Variants in ATXN7 observed in about 807,000 individuals in gnomAD.
ATXN7 encodes ataxin 7, also known as ataxin-7.
In ATXN7, 12 loss-of-function variants were observed where a neutral mutation model predicts 70.5. That is an observed-to-expected ratio of 0.17 (90% CI 0.11 to 0.28). The LOEUF (loss-of-function observed/expected upper bound fraction) is 0.28. Ranked by LOEUF, ATXN7 falls within the 10% of genes least tolerant of loss-of-function variation. The probability of loss-of-function intolerance (pLI) is 1.00; values close to 1 mark genes in which losing one functional copy is unlikely to be tolerated. For missense variants in ATXN7, 1,256 were observed against 1,131.7 expected, an observed-to-expected ratio of 1.11 and a Z score of -1.58; for synonymous variants, 498 against 448.7, an observed-to-expected ratio of 1.11 and a Z score of -1.39.
chr3:63,997,674 C>T, intron 12 of ATXN7: 2 of 1,552,164 alleles, frequency 1.3e-6, no homozygotes, highest in Non-Finnish European at 1.7e-6. Flanking sequence ...CACCCCAGAG[C>T]CCTGACTTAA....
chr3:63,920,749 G>T (rs573856381), intron 4 of ATXN7, among the ~76,000 whole-genome samples: 1 of 152,150 alleles, frequency 6.6e-6, no homozygotes, highest in South Asian at 2.1e-4. Flanking sequence ...AAGATTAAAT[G>T]AAAGCTAAGG....
At chr3:63,950,537 T>G (rs550773219) in intron 4 of ATXN7, among the ~76,000 whole-genome samples, 32 of 152,340 alleles carry the variant, frequency 2.1e-4, no homozygotes, top group Admixed American at 7.8e-4. Context: ...TTGTAAATTA[T>G]GAATGTTATA....
chr3:63,974,622 A>T (rs1356668167), intron 5 of ATXN7, among the ~76,000 whole-genome samples: 1 of 152,240 alleles, frequency 6.6e-6, no homozygotes, highest in African/African-American at 2.4e-5. Flanking sequence ...TAATAATAGT[A>T]TCTACTTTGT....
chr3:63,967,949 C>G, intron 5 of ATXN7: 1 of 1,535,920 alleles, frequency 6.5e-7, no homozygotes, highest in Non-Finnish European at 8.7e-7. Context: ...AGCAGCCCTT[C>G]TGCGCAGGAG....
At chr3:63,973,572 C>G (rs962239410) in intron 5 of ATXN7, among the ~76,000 whole-genome samples, 2 of 152,152 alleles carry the variant, frequency 1.3e-5, no homozygotes, top group Admixed American at 1.3e-4. Flanking sequence ...GCCAGTGATA[C>G]GCCCTGCTTG....
rs1381515263 is a variant in ATXN7 at position 63,913,157 on chromosome 3, G to A, written c.326G>A (p.Gly109Glu). The A allele has an allele frequency of 1.1e-5, 17 of 1,613,588 alleles. No individual in the cohort carries two copies. The highest frequency in any genetic ancestry group is 1.2e-5 in the Non-Finnish European group (14 of 1,179,752). The change falls in exon 4 of 13, where the codon GGG (glycine) becomes GAG (glutamate). Residue 109 changes from glycine (G) to glutamate (E), a missense_variant and splice_region_variant. Transcript: ENST00000674280. ...VEASKLPGKD[G>E]TELDESFKEF... ...CCTCCTGTGTGTGTATATCTCCTAG[G>A]GACAGAATTGGACGAAAGTTTCAAG...
At chr3:63,888,626 A>G (rs1319699315) in intron 1 of ATXN7, among the ~76,000 whole-genome samples, 2 of 151,974 alleles carry the variant, frequency 1.3e-5, no homozygotes, top group Non-Finnish European at 2.9e-5. Flanking sequence ...AAAATACAAA[A>G]ATAGCTGGGG....
At chr3:63,898,033 T>C (rs1262048878) in intron 1 of ATXN7, among the ~76,000 whole-genome samples, 1 of 152,232 alleles carries the variant, frequency 6.6e-6, no homozygotes, top group East Asian at 1.9e-4. Flanking sequence ...AATCTGTGTT[T>C]TTAAAATCTG....
In ATXN7 at chr3:63,990,782, G is replaced by A. The variant is rs1301625099; in HGVS notation, c.1605G>A (p.Val535=). The A allele has an allele frequency of 3.1e-6, 5 of 1,614,198 alleles. No homozygotes were observed. The highest frequency in any genetic ancestry group is 3.4e-6 in the Non-Finnish European group (4 of 1,180,036). ...GGCAGATAGGAAGAGGCTATTACGT[G>A]TTTGACTCCAGGTGGAATCGACTTC... The part of the protein sequence containing the change: ...GSRQIGRGYY[V]FDSRWNRLRC... The change falls in exon 11 of 13, where the codon GTG becomes GTA. Residue 535 remains valine (V), a synonymous_variant. Coordinates refer to ENST00000674280, the MANE Select transcript of ATXN7 (RefSeq NM_001377405.1).
At chr3:63,904,963 T>C (rs1703784413) in intron 2 of ATXN7, 3 of 152,344 alleles carry the variant, frequency 2.0e-5, no homozygotes, top group Middle Eastern at 6.8e-3. Flanking sequence ...ATCTCTGATT[T>C]AGATTTGCAT....
intron 12 of ATXN7, 30 bp from the exon 13 acceptor site, chr3:63,999,420 A>C (rs762038903): frequency 4.4e-6 from 7 of 1,577,634 alleles, no homozygotes; most frequent in Non-Finnish European, 3.5e-6. Flanking sequence ...TTACCATTTC[A>C]TTATTTCCCC....
chr3:63,955,892 T>C (rs1433334128), intron 5 of ATXN7, among the ~76,000 whole-genome samples: 1 of 152,206 alleles, frequency 6.6e-6, no homozygotes, highest in Non-Finnish European at 1.5e-5. Context: ...CAAGAAAACA[T>C]GCTACCGTGG....
chr3:63,886,016 G>C (rs1049606466), intron 1 of ATXN7, among the ~76,000 whole-genome samples: 2 of 151,974 alleles, frequency 1.3e-5, no homozygotes, highest in Admixed American at 1.3e-4. Context: ...AACAAAAAAA[G>C]GAAAAGAAAA....
intron 4 of ATXN7, among the ~76,000 whole-genome samples, chr3:63,923,497 C>G (rs1403201905): frequency 6.6e-6 from 1 of 152,158 alleles, no homozygotes; most frequent in Non-Finnish European, 1.5e-5. Flanking sequence ...TGAGCTGAGA[C>G]CAGAATGCCG....
At chr3:63,881,415 A>G (rs549463105) in intron 1 of ATXN7, among the ~76,000 whole-genome samples, 2 of 152,196 alleles carry the variant, frequency 1.3e-5, no homozygotes, top group African/African-American at 4.8e-5. Context: ...AGAAGCAGCC[A>G]GAAGTGCAAA....
intron 4 of ATXN7, among the ~76,000 whole-genome samples, chr3:63,939,218 C>G (rs2074714278): frequency 1.3e-5 from 2 of 152,136 alleles, no homozygotes. Flanking sequence ...CTTATCCATC[C>G]ATCCTGTTCT....
chr3:63,960,342 CAA>C (rs2075107686), intron 5 of ATXN7, among the ~76,000 whole-genome samples: 1 of 152,162 alleles, frequency 6.6e-6, no homozygotes, highest in Admixed American at 6.5e-5. Flanking sequence ...CTGGGCCCTG[CAA>C]GCCATGAGAA....
chr3:63,924,121 G>A (rs1055406310), intron 4 of ATXN7, among the ~76,000 whole-genome samples: 5 of 152,122 alleles, frequency 3.3e-5, no homozygotes, highest in African/African-American at 1.2e-4. Context: ...GTTTGGAGGT[G>A]GAGTTTACAT....
intron 4 of ATXN7, among the ~76,000 whole-genome samples, chr3:63,938,922 G>A (rs536416171): frequency 8.7e-4 from 133 of 152,168 alleles, no homozygotes; most frequent in Admixed American, 1.6e-3. Flanking sequence ...CATCATTCTT[G>A]GAACCATATT....
Sources: allele counts gnomAD v4.1 joint callset (sites outside exome capture counted in the v4.1 genomes callset), GRCh38; gene constraint gnomAD v4.1.1; transcripts MANE v1.5; gene names NCBI Gene and HGNC (gene_info 2026-07-23, HGNC 2026-07-21).